STXBP5L: variants seen among roughly 807,000 people sequenced by gnomAD.
The protein encoded by STXBP5L is syntaxin-binding protein 5-like.
Under a neutral mutation model 144.5 loss-of-function variants are expected in STXBP5L, and 65 were observed. That is an observed-to-expected ratio of 0.45 (90% CI 0.37 to 0.55). The LOEUF (loss-of-function observed/expected upper bound fraction) is 0.55, where lower values mean the gene tolerates loss of function less well. STXBP5L is among the 20% of genes least tolerant of loss of function. The pLI, the probability that STXBP5L is intolerant of heterozygous loss-of-function variation, is 0.00. For missense variants in STXBP5L, 1,298 were observed against 1,405.5 expected (o/e 0.92, Z 1.22); for synonymous variants, 505 against 469.6 (o/e 1.08, Z -0.97).
intron 5 of STXBP5L, among the ~76,000 whole-genome samples, chr3:121,074,379 G>T (rs114860417): frequency 0.012 from 1,824 of 152,236 alleles, 16 homozygotes; most frequent in South Asian, 0.025. Flanking sequence ...GTAATCTCTG[G>T]AGGGCTTTAA....
At chr3:121,209,425 AT>A (rs1177251013) in intron 10 of STXBP5L, among the ~76,000 whole-genome samples, 1 of 151,342 alleles carries the variant, frequency 6.6e-6, no homozygotes, top group Non-Finnish European at 1.5e-5. Flanking sequence ...ATGTTTTTTT[AT>A]TTTTTATTTT....
At chr3:121,092,168 C>G (rs1560119404) in intron 5 of STXBP5L, among the ~76,000 whole-genome samples, 1 of 152,142 alleles carries the variant, frequency 6.6e-6, no homozygotes, top group African/African-American at 2.4e-5. Context: ...GTTTTGGTTA[C>G]TGTAGCCTTG....
intron 26 of STXBP5L, among the ~76,000 whole-genome samples, chr3:121,418,816 G>T (rs11709797): frequency 6.6e-6 from 1 of 152,008 alleles, no homozygotes; most frequent in East Asian, 1.9e-4. Flanking sequence ...GATACATCTG[G>T]GATCCACATC....
intron 11 of STXBP5L, among the ~76,000 whole-genome samples, chr3:121,228,871 C>T (rs1056564826): frequency 4.6e-5 from 7 of 152,058 alleles, no homozygotes; most frequent in African/African-American, 9.7e-5. Flanking sequence ...AGTGAGACTC[C>T]GTCTCAGAAA....
chr3:120,939,621 G>A (rs1484290548), intron 2 of STXBP5L, among the ~76,000 whole-genome samples: 1 of 152,120 alleles, frequency 6.6e-6, no homozygotes, highest in African/African-American at 2.4e-5. Context: ...GGAATCAGAC[G>A]AAAGCAACAG....
intron 5 of STXBP5L, among the ~76,000 whole-genome samples, chr3:121,052,371 G>C (rs1326469396): frequency 6.6e-6 from 1 of 152,142 alleles, no homozygotes; most frequent in Non-Finnish European, 1.5e-5. Context: ...ACAGAATCCA[G>C]CAGCACATCA....
intron 20 of STXBP5L, chr3:121,324,636 C>T (rs1475811334): frequency 1.6e-6 from 1 of 641,820 alleles, no homozygotes; most frequent in East Asian, 2.8e-5. Context: ...CATATCTTCA[C>T]AATTTTCTAG....
At chr3:121,018,102 T>TGAATGAATGAAC (rs145229317) in intron 3 of STXBP5L, among the ~76,000 whole-genome samples, 1 of 151,982 alleles carries the variant, frequency 6.6e-6, no homozygotes, top group Admixed American at 6.6e-5. Flanking sequence ...AATGAATGAA[T>TGAATGAATGAAC]GAAGAGATAT....
chr3:121,346,959 A>C, intron 20 of STXBP5L, among the ~76,000 whole-genome samples: 1 of 152,214 alleles, frequency 6.6e-6, no homozygotes, highest in East Asian at 1.9e-4. Context: ...TAGTTTAATT[A>C]GATCCCATTT....
intron 20 of STXBP5L, among the ~76,000 whole-genome samples, chr3:121,337,914 A>T (rs2044564334): frequency 1.3e-5 from 2 of 152,168 alleles, no homozygotes; most frequent in South Asian, 4.1e-4. Flanking sequence ...AACACTCAAA[A>T]CTATACAAAT....
At chr3:121,147,776 A>T (rs1295694419) in intron 7 of STXBP5L, among the ~76,000 whole-genome samples, 1 of 152,194 alleles carries the variant, frequency 6.6e-6, no homozygotes, top group East Asian at 1.9e-4. Context: ...GGGTCTCATC[A>T]ATCAGCTGAA....
At chr3:120,937,450 A>G (rs997896460) in intron 2 of STXBP5L, among the ~76,000 whole-genome samples, 37 of 152,168 alleles carry the variant, frequency 2.4e-4, no homozygotes, top group African/African-American at 8.9e-4. Flanking sequence ...TGTCAGTTAA[A>G]TTTTAGGCTG....
chr3:121,296,301 A>G (rs777170420), intron 19 of STXBP5L, among the ~76,000 whole-genome samples: 24 of 152,312 alleles, frequency 1.6e-4, no homozygotes, highest in African/African-American at 4.1e-4. Flanking sequence ...TTAGTAGAAT[A>G]CCTACTAATG....
intron 19 of STXBP5L, among the ~76,000 whole-genome samples, chr3:121,313,391 G>A (rs1349494301): frequency 1.6e-5 from 2 of 126,948 alleles, no homozygotes; most frequent in Non-Finnish European, 3.4e-5. Flanking sequence ...CGGGCGGGGG[G>A]CTGACCCCCC....
intron 3 of STXBP5L, among the ~76,000 whole-genome samples, chr3:120,983,716 C>G (rs1559952621): frequency 6.6e-6 from 1 of 152,122 alleles, no homozygotes; most frequent in Non-Finnish European, 1.5e-5. Flanking sequence ...TCTCACTCAC[C>G]TTTTCCCCAC....
At chr3:121,016,076 T>C (rs955437962) in intron 3 of STXBP5L, among the ~76,000 whole-genome samples, 2 of 152,222 alleles carry the variant, frequency 1.3e-5, no homozygotes, top group African/African-American at 4.8e-5. Context: ...ATTTGAAGTC[T>C]CTGGCATATA....
At chr3:121,066,448 A>T (rs1309635464) in intron 5 of STXBP5L, among the ~76,000 whole-genome samples, 2 of 151,282 alleles carry the variant, frequency 1.3e-5, no homozygotes, top group African/African-American at 4.8e-5. Context: ...ATACTTTCTC[A>T]TGCACCTATT....
intron 5 of STXBP5L, among the ~76,000 whole-genome samples, chr3:121,068,728 A>T (rs1236840879): frequency 6.6e-6 from 1 of 151,968 alleles, no homozygotes; most frequent in African/African-American, 2.4e-5. Context: ...TATTGTTTAT[A>T]TTCATATATA....
Position 121,419,584 on chromosome 3 carries a change from C to G in STXBP5L, c.*487C>G, listed in dbSNP as rs944661789. The G allele has an allele frequency of 1.3e-5, 2 of 152,274 alleles. No individual in the cohort carries two copies. Among genetic ancestry groups the G allele is most frequent in the Non-Finnish European group, 2.9e-5 (2 of 68,112 alleles). The allele number at this position is 152,274 out of a possible 1,614,324, so 9.4% of individuals were successfully genotyped here. A position where few individuals can be genotyped will look rare whatever the true frequency, so the allele number is the denominator to read the frequency against. ...TTAAAAAATCTGCATTTGAAGATGT[C>G]AGTGCATTTCAAATATATTTGCCAT... is the stretch of plus-strand genomic sequence containing the variant. On this transcript the variant is annotated 3_prime_UTR_variant, in exon 27 of 27. Coordinates refer to ENST00000471454, the MANE Select transcript of STXBP5L (RefSeq NM_001308330.2).
Sources: allele counts gnomAD v4.1 joint callset (sites outside exome capture counted in the v4.1 genomes callset), GRCh38; gene constraint gnomAD v4.1.1; transcripts MANE v1.5; gene names NCBI Gene and HGNC (gene_info 2026-07-23, HGNC 2026-07-21).